FAM149B1: variants seen among roughly 807,000 people sequenced by gnomAD.
The protein encoded by FAM149B1 is primary cilium assembly protein FAM149B1.
FAM149B1 carries 56 observed loss-of-function variants against 75.3 expected under a neutral mutation model. The observed-to-expected ratio is 0.74, with a 90% CI of 0.60 to 0.93. The LOEUF (loss-of-function observed/expected upper bound fraction) is 0.93. Ranked by LOEUF, FAM149B1 falls within the 40% of genes least tolerant of loss-of-function variation. The pLI, the probability that FAM149B1 is intolerant of heterozygous loss-of-function variation, is 0.00. For synonymous variants in FAM149B1, 259 were observed against 256.1 expected (o/e 1.01, Z -0.11); for missense variants, 639 against 708.4 (o/e 0.90, Z 1.11).
intron 7 of FAM149B1, among the ~76,000 whole-genome samples, chr10:73,210,813 G>A (rs2043170744): frequency 6.6e-6 from 1 of 151,826 alleles, no homozygotes; most frequent in African/African-American, 2.4e-5. Flanking sequence ...TAAGATGAGA[G>A]ACTCTGTCTC....
chr10:73,230,953 A>AGAT (rs2043680448), intron 9 of FAM149B1: 1 of 154,692 alleles, frequency 6.5e-6, no homozygotes, highest in Non-Finnish European at 1.4e-5. Context: ...TATTTAGGAA[A>AGAT]GATAGCAGAT....
intron 12 of FAM149B1, among the ~76,000 whole-genome samples, chr10:73,237,701 C>T (rs897965155): frequency 6.6e-6 from 1 of 152,092 alleles, no homozygotes; most frequent in Non-Finnish European, 1.5e-5. Flanking sequence ...GGATTACAGG[C>T]GTGAGCCACC....
Position 73,232,957 on chromosome 10 carries a change from A to G in FAM149B1, c.1146A>G (p.Leu382=), listed in dbSNP as rs533256711. The G allele has an allele frequency of 1.3e-6, 2 of 1,549,858 alleles. No individual in the cohort carries two copies. The highest frequency in any genetic ancestry group is 2.7e-5 in the African/African-American group (2 of 73,090). The change falls in exon 10 of 14, where the codon CTA becomes CTG. Residue 382 remains leucine (L), a synonymous_variant. Transcript: ENST00000242505. ...MDKLLDLDDK[L]LMRPGSSTIL... ...CTACTAGAGATCTTGATGACAAGCT[A>G]CTTATGAGGCCTGGGTCCAGTACCA...
At chr10:73,185,689 A>G (rs961313053) in intron 3 of FAM149B1, among the ~76,000 whole-genome samples, 5 of 152,236 alleles carry the variant, frequency 3.3e-5, no homozygotes, top group Non-Finnish European at 4.4e-5. Context: ...AACACTTTCC[A>G]ATTCATTCTA....
chr10:73,235,276 G>C lies in FAM149B1; in HGVS notation c.1560G>C (p.Leu520Phe). ...AGCAGCCACAAGAAAGGCTCCTTTT[G>C]CCCGACTTTTTCCCCAGGCCCAACA... Reference protein sequence around the residue: ...NYQQPQERLLLPDFFPRPNTT... With the variant: ...NYQQPQERLLFPDFFPRPNTT... Residue 520 changes from leucine (L) to phenylalanine (F), a missense_variant, in exon 12 of 14, where the codon TTG becomes TTC. Transcript: ENST00000242505. The C allele has an allele frequency of 6.4e-7, 1 of 1,552,052 alleles. No homozygotes were observed. Among genetic ancestry groups the C allele is most frequent in the Non-Finnish European group, 8.7e-7 (1 of 1,147,008 alleles).
Position 73,208,680 on chromosome 10 carries a change from A to G in FAM149B1, c.604A>G (p.Ile202Val). The stretch of plus-strand genomic sequence containing the variant: ...TTCTTATGCTCATAAAGCATCTTCC[A>G]TTGCCAAATCCTCCAGCTTTTGTTC... ...SSSYAHKASS[I>V]AKSSSFCSME... The change falls in exon 6 of 14, where the codon ATT becomes GTT. Residue 202 changes from isoleucine to valine, a missense_variant. Physicochemically the swap from Ile to Val is conservative, Grantham distance 29 (BLOSUM62 3). Coordinates refer to ENST00000242505, the MANE Select transcript of FAM149B1 (RefSeq NM_173348.2). The G allele has an allele frequency of 1.3e-6, 2 of 1,548,900 alleles. No individual in the cohort carries two copies. The highest frequency in any genetic ancestry group is 1.4e-5 in the African/African-American group (1 of 73,124).
chr10:73,243,342 C>T lies in FAM149B1; in HGVS notation c.*2323C>T. The T allele has an allele frequency of 1.9e-6, 3 of 1,598,766 alleles. No homozygotes were observed. Among genetic ancestry groups the T allele is most frequent in the Non-Finnish European group, 1.7e-6 (2 of 1,172,988 alleles). On this transcript the variant is annotated 3_prime_UTR_variant, in exon 14 of 14. Coordinates refer to ENST00000242505, the MANE Select transcript of FAM149B1 (RefSeq NM_173348.2). ...GACTTTTGCCTTCAAATCCTGCCTG[C>T]ACCTTGCCTACGATGGCATCAATTT...
At chr10:73,209,046 CAT>C (rs1054424714) in intron 6 of FAM149B1, among the ~76,000 whole-genome samples, 7 of 152,168 alleles carry the variant, frequency 4.6e-5, no homozygotes, top group South Asian at 2.1e-4. Context: ...TTTTTCCCCA[CAT>C]AGTTTGATTT....
intron 1 of FAM149B1, among the ~76,000 whole-genome samples, chr10:73,169,291 C>T (rs991961118): frequency 3.3e-5 from 5 of 152,058 alleles, no homozygotes; most frequent in African/African-American, 9.6e-5. Context: ...CGCCATCGCA[C>T]TCCAGTCTGG....
At chr10:73,201,905 C>G (rs1297167231) in intron 5 of FAM149B1, among the ~76,000 whole-genome samples, 2 of 152,108 alleles carry the variant, frequency 1.3e-5, no homozygotes, top group African/African-American at 2.4e-5. Context: ...TGGCTCACAC[C>G]TGTAATCCCA....
Position 73,192,504 on chromosome 10 carries a change from A to T in FAM149B1, c.283-52A>T. The stretch of plus-strand genomic sequence containing the variant: ...CTGCTTTTAATCTTTATAATTTTTA[A>T]CAGAGAGTGAATCAGCTCACCTAAA... On this transcript the variant is annotated intron_variant, in intron 3 of 13. Transcript: ENST00000242505. 4 of 1,508,368 alleles carry T rather than the reference A, an allele frequency of 2.7e-6. No individual in the cohort carries two copies. The South Asian group carries it at 5.0e-5, about 19-fold the overall frequency. The allele number at this position is 1,508,368 out of a possible 1,614,324, so 93.4% of individuals were successfully genotyped here.
intron 2 of FAM149B1, among the ~76,000 whole-genome samples, chr10:73,175,669 CAAAAAAAAAA>C (rs779685127): frequency 3.1e-5 from 2 of 64,938 alleles, no homozygotes; most frequent in South Asian, 8.5e-4. Flanking sequence ...GACTCCTTCT[CAAAAAAAAAA>C]AAAAAAAGAA....
At chr10:73,194,975 C>T (rs1389981386) in intron 5 of FAM149B1, among the ~76,000 whole-genome samples, 3 of 152,158 alleles carry the variant, frequency 2.0e-5, no homozygotes, top group African/African-American at 7.2e-5. Flanking sequence ...TGAGCCACCA[C>T]GCCCAGCCCA....
At chr10:73,224,336 T>C (rs898682288) in intron 7 of FAM149B1, among the ~76,000 whole-genome samples, 1 of 152,124 alleles carries the variant, frequency 6.6e-6, no homozygotes, top group Non-Finnish European at 1.5e-5. Context: ...CACCAAAAGA[T>C]AGGTGCAAGA....
At chr10:73,205,850 C>G (rs1045551696) in intron 5 of FAM149B1, among the ~76,000 whole-genome samples, 2 of 152,178 alleles carry the variant, frequency 1.3e-5, no homozygotes, top group Admixed American at 6.5e-5. Context: ...CCGCACCTGG[C>G]TAGGTATTTC....
intron 7 of FAM149B1, among the ~76,000 whole-genome samples, chr10:73,217,357 GA>G (rs1211580173): frequency 6.6e-6 from 1 of 152,148 alleles, no homozygotes; most frequent in Non-Finnish European, 1.5e-5. Context: ...CACTTCTTAA[GA>G]ATTGTTTATG....
chr10:73,238,458 C>A (rs910333745), intron 12 of FAM149B1, among the ~76,000 whole-genome samples: 2 of 152,246 alleles, frequency 1.3e-5, no homozygotes, highest in East Asian at 3.8e-4. Context: ...AGTTCCTGGG[C>A]TACTCACTTG....
In FAM149B1 at chr10:73,228,169, C is replaced by T. The variant is rs769188311; in HGVS notation, c.1008C>T (p.Tyr336=). 3.2e-6 allele frequency: 5 copies of T among 1,551,632 alleles called. No homozygotes were observed. The highest frequency in any genetic ancestry group is 1.7e-4 in the Middle Eastern group (1 of 5,992). ...LPRVPQSKVL[Y]ITSNPMSLCQ... is the part of the protein sequence containing the mutation. ...GAGTGCCACAGTCTAAGGTGCTGTA[C>T]ATTACCTCAAATCCGGTAAGCCCCA... The change falls in exon 8 of 14, where the codon TAC becomes TAT. Residue 336 remains tyrosine (Y), a synonymous_variant. Transcript: ENST00000242505.
rs768764742 is a variant in FAM149B1, at chr10:73,239,295, C to T, written c.1603-17C>T. 9.0e-6 allele frequency: 14 copies of T among 1,548,600 alleles called. No individual in the cohort carries two copies. Among genetic ancestry groups the T allele is most frequent in the Non-Finnish European group, 1.2e-5 (14 of 1,144,308 alleles). The stretch of plus-strand genomic sequence containing the variant: ...AGAAGATGCATCATAAGAAGTGTCT[C>T]CTCTTTTGTCTTGTAGCTGGATACA... On this transcript the variant is annotated splice_polypyrimidine_tract_variant and intron_variant, in intron 12 of 13. Transcript: ENST00000242505.
Sources: allele counts gnomAD v4.1 joint callset (sites outside exome capture counted in the v4.1 genomes callset), GRCh38; gene constraint gnomAD v4.1.1; transcripts MANE v1.5; gene names NCBI Gene and HGNC (gene_info 2026-07-23, HGNC 2026-07-21).